Variants in ZNF75D observed in about 807,000 individuals in gnomAD.
The protein encoded by ZNF75D is zinc finger protein 75.
Under a neutral mutation model 33.3 loss-of-function variants are expected in ZNF75D, and 33 were observed. That is an observed-to-expected ratio of 0.99 (90% CI 0.75 to 1.32). ZNF75D has a LOEUF of 1.32. ZNF75D is among the 40% of genes most tolerant of loss of function. The probability of loss-of-function intolerance (pLI) is 0.00; values close to 1 mark genes in which losing one functional copy is unlikely to be tolerated. For synonymous variants in ZNF75D, 113 were observed against 130.6 expected (o/e 0.87, Z 0.92); for missense variants, 338 against 367.5 (o/e 0.92, Z 0.66).
At chrX:135,296,164 G>T (rs1157858863) in intron 1 of ZNF75D, 125 bp from the exon 2 acceptor site, 3 of 110,957 alleles carry the variant, frequency 2.7e-5, no homozygotes, top group Non-Finnish European at 3.8e-5. Flanking sequence ...CTGTCCCGGG[G>T]GTCCTTTCCA....
At chrX:135,259,868 T>G (rs1266871570) in intron 1 of ZNF75D, among the ~76,000 whole-genome samples, 1 of 112,151 alleles carries the variant, frequency 8.9e-6, no homozygotes, top group Non-Finnish European at 1.9e-5. Context: ...ACTTGTCTTG[T>G]GCCGGTTTTC....
intron 1 of ZNF75D, among the ~76,000 whole-genome samples, chrX:135,265,524 A>G (rs1377878231): frequency 8.9e-6 from 1 of 112,250 alleles, no homozygotes; most frequent in Non-Finnish European, 1.9e-5. Context: ...TTTCGATGGA[A>G]ACCTTATAGG....
intron 1 of ZNF75D, among the ~76,000 whole-genome samples, chrX:135,276,114 G>A (rs1306946704): frequency 1.8e-5 from 2 of 111,512 alleles, no homozygotes; most frequent in Non-Finnish European, 3.8e-5. Context: ...GTGCAAATTG[G>A]TTAAATGAAT....
At chrX:135,326,780 A>T (rs1193977200) in intron 1 of ZNF75D, among the ~76,000 whole-genome samples, 3 of 110,486 alleles carry the variant, frequency 2.7e-5, no homozygotes, top group African/African-American at 9.9e-5. Flanking sequence ...GAGCTGTAAC[A>T]CTCACCGCGA....
chrX:135,264,811 T>C (rs1174500300), intron 1 of ZNF75D, among the ~76,000 whole-genome samples: 1 of 110,993 alleles, frequency 9.0e-6, no homozygotes, highest in Non-Finnish European at 1.9e-5. Flanking sequence ...TTAGTGAATC[T>C]GAAGACAGGA....
chrX:135,293,426 CTCTTTT>C (rs1310750613), intron 3 of ZNF75D, among the ~76,000 whole-genome samples: 1 of 111,578 alleles, frequency 9.0e-6, no homozygotes, highest in Non-Finnish European at 1.9e-5. Context: ...CCCTTTATTT[CTCTTTT>C]TCTAAGAACT....
At chrX:135,337,406 A>G (rs1212708587) in intron 1 of ZNF75D, among the ~76,000 whole-genome samples, 1 of 111,027 alleles carries the variant, frequency 9.0e-6, no homozygotes, top group Non-Finnish European at 1.9e-5. Flanking sequence ...GAGAATAAAG[A>G]GTGAACTATA....
At chrX:135,324,886 A>T (rs2084542116) in intron 1 of ZNF75D, among the ~76,000 whole-genome samples, 1 of 111,771 alleles carries the variant, frequency 8.9e-6, no homozygotes, top group South Asian at 3.8e-4. Context: ...CAAAAATGGA[A>T]TGTCCTTTCC....
In ZNF75D at chrX:135,290,655, G is replaced by A. The variant is rs138531565; in HGVS notation, c.823+354C>T. On this transcript the variant is annotated intron_variant, in intron 6 of 6. Transcript: ENST00000370766. ...CTTTCCACATATCATTTAAACTTTT[G>A]TTTGCATTGTTATTGTTGTTGATTT... Among the ~76,000 whole-genome samples, 827 of 112,209 alleles carry A rather than the reference G, an allele frequency of 7.4e-3. 6 individuals are homozygous for A. The highest frequency in any genetic ancestry group is 0.025 in the African/African-American group (781 of 30,875).
chrX:135,309,855 T>C (rs2084338242), intron 1 of ZNF75D, among the ~76,000 whole-genome samples: 1 of 111,948 alleles, frequency 8.9e-6, no homozygotes, highest in Non-Finnish European at 1.9e-5. Flanking sequence ...TGGGTTACAC[T>C]GGAAGGGGCT....
At chrX:135,257,542 C>T (rs190571567) in intron 1 of ZNF75D, among the ~76,000 whole-genome samples, 1 of 113,174 alleles carries the variant, frequency 8.8e-6, no homozygotes, top group Admixed American at 9.3e-5. Context: ...TACTCTAATC[C>T]CTGGCTCCCA....
At chrX:135,313,037 T>C (rs2084379477) in intron 1 of ZNF75D, among the ~76,000 whole-genome samples, 1 of 112,115 alleles carries the variant, frequency 8.9e-6, no homozygotes, top group African/African-American at 3.2e-5. Flanking sequence ...TTTAGTTGTC[T>C]GTGCTTTTGA....
At chrX:135,260,632 G>C (rs189813347) in intron 1 of ZNF75D, among the ~76,000 whole-genome samples, 1 of 111,901 alleles carries the variant, frequency 8.9e-6, no homozygotes, top group East Asian at 2.8e-4. Flanking sequence ...TGTGGGATCG[G>C]TGGTGATATC....
chrX:135,275,840 TA>T (rs1556417518), intron 1 of ZNF75D, among the ~76,000 whole-genome samples: 1 of 111,409 alleles, frequency 9.0e-6, no homozygotes, highest in Non-Finnish European at 1.9e-5. Flanking sequence ...AACCTTACAC[TA>T]ACTTTTGGGA....
intron 1 of ZNF75D, among the ~76,000 whole-genome samples, chrX:135,312,789 AT>A (rs1439763742): frequency 9.1e-6 from 1 of 110,114 alleles, no homozygotes; most frequent in Non-Finnish European, 1.9e-5. Context: ...CCTGTTGGCC[AT>A]TTGTATGTCT....
chrX:135,253,186 G>T, intron 2 of ZNF75D: 1 of 270,648 alleles, frequency 3.7e-6, no homozygotes, highest in East Asian at 5.1e-5. Flanking sequence ...GGAAGAGGTT[G>T]CCGGGTACAC....
chrX:135,270,202 T>G (rs782145831), intron 1 of ZNF75D, among the ~76,000 whole-genome samples: 1 of 108,199 alleles, frequency 9.2e-6, no homozygotes, highest in Admixed American at 1.0e-4. Flanking sequence ...AGGGGGATCA[T>G]AGTTGATAAT....
chrX:135,306,406 A>G (rs1177468324), intron 1 of ZNF75D, among the ~76,000 whole-genome samples: 2 of 111,966 alleles, frequency 1.8e-5, no homozygotes, highest in African/African-American at 6.5e-5. Flanking sequence ...TGAGTCCCAC[A>G]TATGCATAAA....
Position 135,258,899 on chromosome X carries a change from G to T in ZNF75D, n.828-3122C>A, listed in dbSNP as rs2083824474. On this transcript the variant is annotated intron_variant and non_coding_transcript_variant, in intron 1 of 3. Transcript: ENST00000494295. The stretch of plus-strand genomic sequence containing the variant: ...CTATGTCCTGAATGGTATTGCCTAG[G>T]TTTCCTTCAAGGGTTTTTACGGTTT... Among the ~76,000 whole-genome samples the T allele has an allele frequency of 2.7e-5, 3 of 112,096 alleles. No individual in the cohort carries two copies. In the South Asian group the frequency reaches 1.1e-3, roughly 42 times the overall value.
Sources: allele counts gnomAD v4.1 joint callset (sites outside exome capture counted in the v4.1 genomes callset), GRCh38; gene constraint gnomAD v4.1.1; transcripts MANE v1.5; gene names NCBI Gene and HGNC (gene_info 2026-07-23, HGNC 2026-07-21).